Variants in PPP2R3C observed in about 807,000 individuals in gnomAD.
PPP2R3C encodes the protein protein phosphatase 2 regulatory subunit B''gamma, also known as serine/threonine-protein phosphatase 2A regulatory subunit B'' subunit gamma.
PPP2R3C carries 47 observed loss-of-function variants against 63.7 expected under a neutral mutation model. That is an observed-to-expected ratio of 0.74 (90% CI 0.58 to 0.94). The LOEUF (loss-of-function observed/expected upper bound fraction) is 0.94. Among genes scored for constraint, PPP2R3C ranks in the 40% least tolerant of loss-of-function variants. The pLI is 0.00. For missense variants in PPP2R3C, 421 were observed against 518.4 expected (o/e 0.81, Z 1.82); for synonymous variants, 180 against 177.4 (o/e 1.01, Z -0.12).
chr14:35,116,509 C>T, intron 2 of PPP2R3C, 101 bp downstream of exon 2: 1 of 887,526 alleles, frequency 1.1e-6, no homozygotes. Flanking sequence ...CCCGCCTCAG[C>T]CTCCCAAAGT....
rs2138628871 is a variant in PPP2R3C at position 35,095,162 on chromosome 14, T to C, written c.861A>G (p.Lys287=). 6.2e-7 allele frequency: 1 copy of C among 1,613,706 alleles called. No homozygotes were observed. Among genetic ancestry groups the C allele is most frequent in the South Asian group, 1.1e-5 (1 of 91,034 alleles). Residue 287 remains lysine (K), a synonymous_variant, in exon 10 of 13, where the codon AAA becomes AAG. Transcript: ENST00000261475. ...RVYGQYLNLD[K]DHNGMLSKEE... ...CTTTACTGAGCATGCCATTGTGATC[T>C]TTATCAAGATTCAAGTACTGGCCTT... is the stretch of plus-strand genomic sequence containing the variant.
chr14:35,105,646 A>T (rs1389423545), intron 6 of PPP2R3C, among the ~76,000 whole-genome samples: 1 of 152,016 alleles, frequency 6.6e-6, no homozygotes, highest in East Asian at 1.9e-4. Context: ...AACAAAAACT[A>T]TATGGAATCA....
chr14:35,095,696 AAAC>A (rs2045972762), intron 9 of PPP2R3C, among the ~76,000 whole-genome samples: 1 of 151,640 alleles, frequency 6.6e-6, no homozygotes, highest in South Asian at 2.1e-4. Flanking sequence ...CAAAAAAAAA[AAAC>A]ATTAGCCGGG....
intron 12 of PPP2R3C, chr14:35,086,202 T>TG (rs1214609376): frequency 5.1e-5 from 8 of 155,966 alleles, no homozygotes; most frequent in African/African-American, 1.7e-4. Flanking sequence ...TTTTTGTTGT[T>TG]TTGTTTTGTT....
At chr14:35,100,265 T>G (rs2046142639) in intron 6 of PPP2R3C, 2 of 152,156 alleles carry the variant, frequency 1.3e-5, no homozygotes, top group Admixed American at 6.5e-5. Context: ...AATAATACCA[T>G]AAGGGCTAAG....
At chr14:35,114,950 TGC>T (rs942686650) in intron 2 of PPP2R3C, among the ~76,000 whole-genome samples, 1 of 151,700 alleles carries the variant, frequency 6.6e-6, no homozygotes, top group African/African-American at 2.4e-5. Context: ...GCTGAGATCG[TGC>T]CATTGCACTC....
chr14:35,091,963 G>A (rs1375889573), intron 10 of PPP2R3C, among the ~76,000 whole-genome samples: 5 of 152,112 alleles, frequency 3.3e-5, no homozygotes, highest in African/African-American at 7.2e-5. Context: ...CAAGTGACCC[G>A]CCTGCCCCGG....
intron 6 of PPP2R3C, chr14:35,102,137 G>T (rs1312597206): frequency 4.7e-5 from 7 of 148,764 alleles, no homozygotes; most frequent in Non-Finnish European, 8.9e-5. Context: ...AGCGATTCTT[G>T]TGTCTCAGCC....
At chr14:35,111,235 CAAAAAAAAAA>C (rs3058398) in intron 2 of PPP2R3C, among the ~76,000 whole-genome samples, 1 of 89,778 alleles carries the variant, frequency 1.1e-5, no homozygotes, top group African/African-American at 4.2e-5. Context: ...CTCCATCTAC[CAAAAAAAAAA>C]AAAAAAAAAA....
At chr14:35,120,041 CG>C (rs1391611403) in intron 1 of PPP2R3C, among the ~76,000 whole-genome samples, 2 of 150,908 alleles carry the variant, frequency 1.3e-5, no homozygotes, top group Non-Finnish European at 1.5e-5. Flanking sequence ...TTAGTAGAGA[CG>C]GGGTTTCACT....
chr14:35,103,924 T>C (rs529605075), intron 6 of PPP2R3C, among the ~76,000 whole-genome samples: 1 of 152,294 alleles, frequency 6.6e-6, no homozygotes, highest in Non-Finnish European at 1.5e-5. Context: ...ATGGAAGAAA[T>C]ACTTTGAGAA....
Position 35,120,422 on chromosome 14 carries a change from T to C in PPP2R3C, c.58+1480A>G, listed in dbSNP as rs151017329. ...ACCACTACCGGGTAATTTTTTTGTA[T>C]TTTTAGTAGAGACGGGGTTTCACCG... On this transcript the variant is annotated intron_variant, in intron 1 of 12. Coordinates refer to ENST00000261475, the MANE Select transcript of PPP2R3C (RefSeq NM_017917.4). 6.9e-3 allele frequency among the ~76,000 whole-genome samples: 1,045 copies of C among 151,634 alleles called. 2 individuals are homozygous for C. Among genetic ancestry groups the C allele is most frequent in the Non-Finnish European group, 0.012 (840 of 67,892 alleles).
intron 5 of PPP2R3C, 27 bp downstream of exon 5, chr14:35,108,112 A>T (rs541003381): frequency 1.3e-6 from 2 of 1,597,074 alleles, no homozygotes; most frequent in Admixed American, 1.8e-5. Context: ...CCAGATAAGG[A>T]GTTCAAGCAC....
chr14:35,086,744 T>A (rs2138590086), intron 12 of PPP2R3C: 1 of 152,586 alleles, frequency 6.6e-6, no homozygotes, highest in Admixed American at 6.5e-5. Flanking sequence ...GTGATCCGCC[T>A]GCCTTGGCCT....
chr14:35,116,501 C>G (rs543217910), intron 2 of PPP2R3C, 109 bp downstream of exon 2: 1 of 803,360 alleles, frequency 1.2e-6, no homozygotes, highest in East Asian at 3.5e-5. Flanking sequence ...GTGATCCTCC[C>G]GCCTCAGCCT....
intron 7 of PPP2R3C, among the ~76,000 whole-genome samples, chr14:35,098,354 T>G (rs56142562): frequency 0.12 from 15,106 of 126,928 alleles, 956 homozygotes; most frequent in African/African-American, 0.19. Context: ...TAGTTTTTTT[T>G]TTTTTTTTTT....
At position 35,118,004 on chromosome 14, in the gene PPP2R3C, A is replaced by T. The variant is rs559187608; in HGVS notation, c.59-1267T>A. 2.6e-4 allele frequency among the ~76,000 whole-genome samples: 39 copies of T among 152,152 alleles called. 1 individual carries two copies. In the South Asian group the frequency reaches 3.3e-3, roughly 13 times the overall value. On this transcript the variant is annotated intron_variant, in intron 1 of 12. Transcript: ENST00000261475. ...CCACCATGCCTGGCCTATTATGTTA[A>T]TTTTTAACCTTAGACCAAACCTATA... is the stretch of plus-strand genomic sequence containing the variant.
chr14:35,122,083 T>G, upstream of PPP2R3C: 2 of 998,398 alleles, frequency 2.0e-6, no homozygotes, highest in Non-Finnish European at 3.1e-6. Flanking sequence ...ACCATCTTGA[T>G]CGAGGGCGGA....
intron 7 of PPP2R3C, 74 bp downstream of exon 7, chr14:35,099,178 G>C: frequency 7.2e-7 from 1 of 1,392,044 alleles, no homozygotes; most frequent in Non-Finnish European, 9.4e-7. Flanking sequence ...TTTTTCAAGA[G>C]TTTTCTCTAG....
Sources: gnomAD v4.1 joint callset for allele counts (sites outside exome capture counted in the v4.1 genomes callset) on GRCh38, gnomAD v4.1.1 for gene constraint, MANE v1.5 for transcripts, NCBI Gene and HGNC (gene_info 2026-07-23, HGNC 2026-07-21) for gene names.